DPY19L1: variants seen among roughly 807,000 people sequenced by gnomAD.
The protein encoded by DPY19L1 is dpy-19 like C-mannosyltransferase 1, also known as protein C-mannosyl-transferase DPY19L1.
In DPY19L1, 35 loss-of-function variants were observed where a neutral mutation model predicts 96.9. That is an observed-to-expected ratio of 0.36 (90% confidence interval 0.28 to 0.48). DPY19L1 has a LOEUF of 0.48. Among genes scored for constraint, DPY19L1 ranks in the 20% least tolerant of loss-of-function variants. The pLI, the probability that DPY19L1 is intolerant of heterozygous loss-of-function variation, is 0.99. For missense variants in DPY19L1, 521 were observed against 777.9 expected, an observed-to-expected ratio of 0.67 and a Z score of 3.93; for synonymous variants, 205 against 252.6, an observed-to-expected ratio of 0.81 and a Z score of 1.79.
upstream of DPY19L1, chr7:35,037,681 G>C (rs1786470807): frequency 3.3e-6 from 1 of 301,774 alleles, no homozygotes; most frequent in South Asian, 1.3e-4. Context: ...GGCGGGGGCG[G>C]GGACACCCTG....
At chr7:34,996,640 CAG>C (rs1211383718) in intron 6 of DPY19L1, among the ~76,000 whole-genome samples, 3 of 152,070 alleles carry the variant, frequency 2.0e-5, no homozygotes, top group Non-Finnish European at 4.4e-5. Context: ...CTCTACACTG[CAG>C]AGTGTGTTGT....
At chr7:34,946,007 A>G (rs1211828583) in intron 15 of DPY19L1, among the ~76,000 whole-genome samples, 1 of 152,222 alleles carries the variant, frequency 6.6e-6, no homozygotes, top group African/African-American at 2.4e-5. Flanking sequence ...GAAGCACTGC[A>G]GTCTTGAAAC....
chr7:35,028,038 G>A (rs1163285878), intron 1 of DPY19L1, among the ~76,000 whole-genome samples: 1 of 152,170 alleles, frequency 6.6e-6, no homozygotes, highest in African/African-American at 2.4e-5. Context: ...TAATTACAAT[G>A]AAAATGTCTA....
At chr7:34,951,051 C>CA (rs1269504618) in intron 13 of DPY19L1, among the ~76,000 whole-genome samples, 1 of 151,336 alleles carries the variant, frequency 6.6e-6, no homozygotes, top group African/African-American at 2.4e-5. Context: ...TGAATTTAAG[C>CA]AAAAAATATA....
chr7:35,017,893 GA>G lies in DPY19L1; in HGVS notation c.399del (p.Arg134AlafsTer21). 1 of 1,602,940 alleles carries G rather than the reference GA, an allele frequency of 6.2e-7. No homozygotes were observed. The stretch of plus-strand genomic sequence containing the variant: ...AAATAAAAACTAACCATTTCAGTGC[GA>G]AAAGCCATCTCCCTTTCCAATGTTG... ...HLSTLEREMAFRTEMGLYYSY... is the reference protein window; with the variant it reads ...HLSTLEREMAXRTEMGLYYSY... On this transcript the variant is annotated frameshift_variant, in exon 3 of 22. Transcript: ENST00000638088. LOFTEE classifies it high-confidence loss of function.
chr7:34,958,120 C>G (rs765901897), intron 10 of DPY19L1, 50 bp from the exon 11 acceptor site: 12 of 1,335,818 alleles, frequency 9.0e-6, no homozygotes, highest in Non-Finnish European at 1.2e-5. Context: ...AAACAAAAAA[C>G]CTTTGTTTTT....
At chr7:35,026,056 GC>G (rs1445908455) in intron 1 of DPY19L1, among the ~76,000 whole-genome samples, 2 of 152,080 alleles carry the variant, frequency 1.3e-5, no homozygotes, top group Non-Finnish European at 2.9e-5. Context: ...TAAATCCAGG[GC>G]CCCTAAATCT....
rs186553187 is a variant in DPY19L1 at position 34,993,615 on chromosome 7, C to G, written c.765-3674G>C. ...AACCAGTCTCCCAACCCTGCCCCCC[C>G]ACCCAAGAAAAAATTGTCAGACTTC... On this transcript the variant is annotated intron_variant, in intron 6 of 21. Coordinates refer to ENST00000638088, the MANE Select transcript of DPY19L1 (RefSeq NM_001366673.1). Among the ~76,000 whole-genome samples the G allele has an allele frequency of 1.3e-3, 202 of 152,030 alleles. 2 individuals are homozygous for G. The highest frequency in any genetic ancestry group is 3.8e-3 in the African/African-American group (158 of 41,480).
At chr7:34,982,470 G>C (rs1316335093) in intron 7 of DPY19L1, among the ~76,000 whole-genome samples, 8 of 152,202 alleles carry the variant, frequency 5.3e-5, no homozygotes, top group Non-Finnish European at 1.2e-4. Context: ...GAGCATTTCT[G>C]TAAGTTTCAA....
intron 3 of DPY19L1, 138 bp downstream of exon 3, chr7:35,017,744 T>C: frequency 2.1e-6 from 1 of 476,790 alleles, no homozygotes; most frequent in Non-Finnish European, 3.6e-6. Flanking sequence ...GAAGGAAAAC[T>C]GGCTGTGGCT....
rs1373950830 is a variant in DPY19L1 at position 34,956,987 on chromosome 7, T to C, written c.1179+997A>G. Among the ~76,000 whole-genome samples, 7 of 152,256 alleles carry C rather than the reference T, an allele frequency of 4.6e-5. 1 individual carries two copies. The highest frequency in any genetic ancestry group is 3.4e-3 in the Middle Eastern group (1 of 294). On this transcript the variant is annotated intron_variant, in intron 11 of 21. Coordinates refer to ENST00000638088, the MANE Select transcript of DPY19L1 (RefSeq NM_001366673.1). ...AAAGTCACAGGGAAACTAAAGCACA[T>C]GTACTTTAAACATAAGGAATAACAA...
chr7:34,992,509 G>A (rs376093086), intron 6 of DPY19L1, among the ~76,000 whole-genome samples: 253 of 149,494 alleles, frequency 1.7e-3, no homozygotes, highest in Non-Finnish European at 3.0e-3. Context: ...AATGACTAGA[G>A]AATTAAACAA....
At chr7:35,000,965 G>A (rs1199119954) in intron 6 of DPY19L1, among the ~76,000 whole-genome samples, 4 of 152,198 alleles carry the variant, frequency 2.6e-5, no homozygotes, top group African/African-American at 7.2e-5. Flanking sequence ...AGAGACAGTA[G>A]AGCACACGTT....
At chr7:34,939,089 G>A in intron 20 of DPY19L1, 187 bp downstream of exon 20, 1 of 494,624 alleles carries the variant, frequency 2.0e-6, no homozygotes, top group South Asian at 4.0e-5. Flanking sequence ...TCACTTTCCT[G>A]CCCTGTGAAG....
chr7:34,954,655 ATTCTT>A (rs773495565), intron 13 of DPY19L1, 38 bp downstream of exon 13: 25 of 1,194,120 alleles, frequency 2.1e-5, no homozygotes, highest in African/African-American at 7.6e-5. Flanking sequence ...AGCCTATTCG[ATTCTT>A]TTCAAGTCTT....
rs1050190664 is a variant in DPY19L1 at position 34,930,205 on chromosome 7, A to G, written c.*1368T>C. ...TAATTAAATGTGTAGTCTGTCAGCC[A>G]TAGTCACGCTTTGCTTAGAATTTAA... On this transcript the variant is annotated 3_prime_UTR_variant, in exon 22 of 22. Coordinates refer to ENST00000638088, the MANE Select transcript of DPY19L1 (RefSeq NM_001366673.1). 3 of 152,256 alleles carry G rather than the reference A, an allele frequency of 2.0e-5. No homozygotes were observed. The highest frequency in any genetic ancestry group is 4.8e-5 in the African/African-American group (2 of 41,466). The allele number at this position is 152,256 out of a possible 1,614,324, so 9.4% of individuals were successfully genotyped here.
rs777093123 is a variant in DPY19L1 at position 34,949,880 on chromosome 7, G to A, written c.1339C>T (p.Leu447=). Residue 447 remains leucine, a synonymous_variant, in exon 14 of 22, where the codon CTA becomes TTA. Coordinates refer to ENST00000638088, the MANE Select transcript of DPY19L1 (RefSeq NM_001366673.1). ...TTATAACTAAAGAATTTTGATGTTA[G>A]TAAGTTGCCAATATGAGCCTGGTAA... The part of the protein sequence containing the change: ...IADDAHIGNL[L]TSKFFSYKDF... 1.9e-6 allele frequency: 3 copies of A among 1,589,006 alleles called. No homozygotes were observed. The highest frequency in any genetic ancestry group is 2.3e-5 in the East Asian group (1 of 44,120).
In DPY19L1 at chr7:34,938,138, G is replaced by A. The variant is rs1471775872; in HGVS notation, c.1965-19C>T. ...TCTGGCTCTTTAAAGAAAAATAATT[G>A]GGCATAAAATTTTCAAGACTAAAAC... On this transcript the variant is annotated intron_variant, in intron 20 of 21. Transcript: ENST00000638088. 1 of 1,608,880 alleles carries A rather than the reference G, an allele frequency of 6.2e-7. No individual in the cohort carries two copies. The highest frequency in any genetic ancestry group is 1.7e-5 in the Admixed American group (1 of 59,292).
intron 6 of DPY19L1, among the ~76,000 whole-genome samples, chr7:34,995,172 C>T (rs1415412706): frequency 4.6e-5 from 7 of 152,138 alleles, no homozygotes; most frequent in Admixed American, 3.3e-4. Context: ...TGGTGTTCTC[C>T]ATGTCCACCC....
Sources: gnomAD v4.1 joint callset for allele counts (sites outside exome capture counted in the v4.1 genomes callset) on GRCh38, gnomAD v4.1.1 for gene constraint, MANE v1.5 for transcripts, NCBI Gene and HGNC (gene_info 2026-07-23, HGNC 2026-07-21) for gene names.